Variants in ANKAR observed in about 807,000 individuals in gnomAD.
ANKAR encodes ankyrin and armadillo repeat-containing protein.
A neutral mutation model predicts 146.2 loss-of-function variants in ANKAR; 136 were observed. The observed-to-expected ratio is 0.93, with a 90% confidence interval of 0.81 to 1.07. The LOEUF (loss-of-function observed/expected upper bound fraction) is 1.07, where lower values mean the gene tolerates loss of function less well. Among genes scored for constraint, ANKAR ranks in the 50% least tolerant of loss-of-function variants. ANKAR has a pLI of 0.00. For synonymous variants in ANKAR, 500 were observed against 575.8 expected (o/e 0.87, Z 1.88); for missense variants, 1,567 against 1,679.9 (o/e 0.93, Z 1.18).
chr2:189,713,945 A>C (rs1220820762), intron 10 of ANKAR, among the ~76,000 whole-genome samples: 1 of 152,210 alleles, frequency 6.6e-6, no homozygotes, highest in East Asian at 1.9e-4. Context: ...AAAGCAAAAA[A>C]ATAGCAGGGG....
intron 17 of ANKAR, among the ~76,000 whole-genome samples, chr2:189,735,079 G>C (rs1574710930): frequency 1.3e-5 from 2 of 151,690 alleles, no homozygotes; most frequent in Non-Finnish European, 2.9e-5. Context: ...ATGTCTACCT[G>C]ACTCTCTAAG....
At chr2:189,690,087 C>G in intron 3 of ANKAR, 123 bp downstream of exon 3, 1 of 574,924 alleles carries the variant, frequency 1.7e-6, no homozygotes, top group Non-Finnish European at 2.7e-6. Flanking sequence ...TTAGAGAAAA[C>G]AAACAATTTA....
At chr2:189,684,073 T>C (rs1016852645) in intron 2 of ANKAR, among the ~76,000 whole-genome samples, 2 of 152,126 alleles carry the variant, frequency 1.3e-5, no homozygotes, top group East Asian at 1.9e-4. Context: ...TTAGACTCTT[T>C]CCAGAAGGCT....
chr2:189,710,907 G>A, intron 9 of ANKAR, 142 bp from the exon 10 acceptor site: 2 of 646,170 alleles, frequency 3.1e-6, no homozygotes, highest in Non-Finnish European at 5.5e-6. Context: ...TGTGCACAGA[G>A]GGGAATTTAA....
At chr2:189,757,907 C>T (rs761507193) in intron 18 of ANKAR, among the ~76,000 whole-genome samples, 2 of 152,208 alleles carry the variant, frequency 1.3e-5, no homozygotes, top group Non-Finnish European at 2.9e-5. Context: ...ACTTCTTTGT[C>T]TTTGCTGACA....
At chr2:189,724,376 T>C (rs980280295) in intron 12 of ANKAR, among the ~76,000 whole-genome samples, 1 of 152,348 alleles carries the variant, frequency 6.6e-6, no homozygotes, top group African/African-American at 2.4e-5. Context: ...GCATGGCCTA[T>C]AGCCCTTTTT....
Position 189,692,353 on chromosome 2 carries a change from G to A in ANKAR, c.1138G>A (p.Val380Ile). Residue 380 changes from valine (V) to isoleucine (I), a missense_variant, in exon 4 of 23, where the codon GTT (valine) becomes ATT (isoleucine). Physicochemically the swap from Val to Ile is conservative, Grantham distance 29 (BLOSUM62 3). Coordinates refer to ENST00000684021, the MANE Select transcript of ANKAR (RefSeq NM_001378068.1). The stretch of plus-strand genomic sequence containing the variant: ...CTACAAAGAGAATCAATATTTTCAT[G>A]TTCATGGAGGAATTGAATTTGATAT... ...FHYKENQYFH[V>I]HGGIEFDIST... 6.2e-7 allele frequency: 1 copy of A among 1,613,068 alleles called. No homozygotes were observed. Among genetic ancestry groups the A allele is most frequent in the South Asian group, 1.1e-5 (1 of 90,730 alleles).
At position 189,696,284 on chromosome 2, in the gene ANKAR, C is replaced by G; in HGVS notation, c.1623C>G (p.Ala541=). ...EAGYTIFHHA[A]LHNRVSIICQ... Reference sequence around the variant, plus strand: ...GTTATACTATTTTTCATCATGCTGCCCTGCACAACAGAGTTTCTATTATAT... The same window carrying G: ...GTTATACTATTTTTCATCATGCTGCGCTGCACAACAGAGTTTCTATTATAT... The change falls in exon 7 of 23, where the codon GCC becomes GCG. Residue 541 remains alanine, a synonymous_variant. Transcript: ENST00000684021. 1 of 1,614,034 alleles carries G rather than the reference C, an allele frequency of 6.2e-7. No homozygotes were observed. Among genetic ancestry groups the G allele is most frequent in the Non-Finnish European group, 8.5e-7 (1 of 1,180,002 alleles).
chr2:189,748,068 A>G (rs2044436122), downstream of ANKAR, among the ~76,000 whole-genome samples: 1 of 152,144 alleles, frequency 6.6e-6, no homozygotes, highest in Admixed American at 6.5e-5. Flanking sequence ...GCTATAATCC[A>G]TTCTCTACCT....
At chr2:189,704,347 G>T (rs1468337567) in intron 7 of ANKAR, among the ~76,000 whole-genome samples, 4 of 150,512 alleles carry the variant, frequency 2.7e-5, no homozygotes, top group Non-Finnish European at 4.4e-5. Context: ...GTTTCACCAT[G>T]TTGGCCAGGC....
rs531418299 is a variant in ANKAR at position 189,738,502 on chromosome 2, C to T, written c.3583-63C>T. On this transcript the variant is annotated intron_variant, in intron 18 of 22. Transcript: ENST00000684021. ...AAAAAAAAACATAAAAAATGACAAACGTGTAATTAGAGAAGCTGAGTAGAA... is the reference window on the plus strand; with the variant it reads ...AAAAAAAAACATAAAAAATGACAAATGTGTAATTAGAGAAGCTGAGTAGAA... 4.8e-5 allele frequency: 46 copies of T among 952,128 alleles called. No individual in the cohort carries two copies. The African/African-American group carries it at 4.9e-4, about 10-fold the overall frequency. 59.0% of individuals were successfully genotyped at this position (952,128 alleles called of 1,614,324 possible).
chr2:189,683,949 T>C (rs1452263166), intron 2 of ANKAR, among the ~76,000 whole-genome samples: 1 of 152,216 alleles, frequency 6.6e-6, no homozygotes, highest in Non-Finnish European at 1.5e-5. Flanking sequence ...CATCATTCTT[T>C]AAAAACAGTA....
chr2:189,718,910 C>T (rs1178601432), intron 10 of ANKAR, among the ~76,000 whole-genome samples: 2 of 151,350 alleles, frequency 1.3e-5, no homozygotes, highest in Non-Finnish European at 2.9e-5. Flanking sequence ...CCACCGCGCC[C>T]GGCTAATTTT....
chr2:189,700,660 A>G (rs944014766), intron 7 of ANKAR, among the ~76,000 whole-genome samples: 5 of 152,132 alleles, frequency 3.3e-5, no homozygotes, highest in African/African-American at 1.2e-4. Context: ...TTTTGTACCC[A>G]TTAACTATCC....
At chr2:189,701,809 C>T (rs918980358) in intron 7 of ANKAR, among the ~76,000 whole-genome samples, 6 of 152,154 alleles carry the variant, frequency 3.9e-5, no homozygotes, top group African/African-American at 9.7e-5. Flanking sequence ...TGTCTGGTTC[C>T]GATGCTTGCT....
rs2045963295 is a variant in ANKAR at position 189,755,636 on chromosome 2, A to G, written c.*585-5462A>G. On this transcript the variant is annotated intron_variant and NMD_transcript_variant, in intron 18 of 18. Transcript: ENST00000441800. ...GAAAAATGATATTACAGCTAAAAGC[A>G]TGTCTTCAAGTTAATCATTATATAG... 44 of 1,460,842 alleles carry G rather than the reference A, an allele frequency of 3.0e-5. No individual in the cohort carries two copies. In the East Asian group the frequency reaches 9.4e-4, roughly 31 times the overall value. 90.5% of individuals were successfully genotyped at this position (1,460,842 alleles called of 1,614,324 possible). A position where few individuals can be genotyped will look rare whatever the true frequency, so the allele number is the denominator to read the frequency against.
intron 10 of ANKAR, among the ~76,000 whole-genome samples, chr2:189,713,305 A>G (rs1398926736): frequency 6.6e-6 from 1 of 152,178 alleles, no homozygotes; most frequent in Non-Finnish European, 1.5e-5. Flanking sequence ...CAACCCCAAG[A>G]CACATAATTG....
chr2:189,718,857 C>A (rs1029792482), intron 10 of ANKAR, among the ~76,000 whole-genome samples: 9 of 150,762 alleles, frequency 6.0e-5, no homozygotes, highest in Non-Finnish European at 1.3e-4. Context: ...TCACGCCATT[C>A]TCCTGCCTCA....
chr2:189,713,041 T>G (rs2039925899), intron 10 of ANKAR, among the ~76,000 whole-genome samples: 1 of 151,958 alleles, frequency 6.6e-6, no homozygotes, highest in Non-Finnish European at 1.5e-5. Context: ...AAGATCAAAT[T>G]AATGAAATAA....
Sources: allele counts gnomAD v4.1 joint callset (sites outside exome capture counted in the v4.1 genomes callset), GRCh38; gene constraint gnomAD v4.1.1; transcripts MANE v1.5; gene names NCBI Gene and HGNC (gene_info 2026-07-23, HGNC 2026-07-21).